The following MAEL variants were observed in gnomAD, a reference collection of about 807,000 sequenced individuals.
The protein encoded by MAEL is protein maelstrom homolog.
A neutral mutation model predicts 62.0 loss-of-function variants in MAEL; 46 were observed. The observed-to-expected ratio is 0.74, with a 90% CI of 0.59 to 0.95. The LOEUF is 0.95. Ranked by LOEUF, MAEL falls within the 40% of genes least tolerant of loss-of-function variation. The pLI is 0.00. For synonymous variants in MAEL, 172 were observed against 175.5 expected (o/e 0.98, Z 0.16); for missense variants, 497 against 526.8 (o/e 0.94, Z 0.55).
At chr1:166,994,552 GT>G (rs1664326830) in intron 5 of MAEL, among the ~76,000 whole-genome samples, 1 of 151,860 alleles carries the variant, frequency 6.6e-6, no homozygotes, top group African/African-American at 2.4e-5. Flanking sequence ...TGGGAATTAG[GT>G]TTTAAGTGAT....
intron 9 of MAEL, 51 bp from the exon 10 acceptor site, chr1:167,017,776 T>C (rs1665456344): frequency 2.0e-6 from 3 of 1,524,620 alleles, no homozygotes; most frequent in Non-Finnish European, 2.7e-6. Flanking sequence ...ACAAATACTT[T>C]TAGTTGAATT....
In MAEL at chr1:167,021,834, A is replaced by G; in HGVS notation, c.1284A>G (p.Lys428=). The G allele has an allele frequency of 6.2e-7, 1 of 1,608,966 alleles. No homozygotes were observed. Among genetic ancestry groups the G allele is most frequent in the Non-Finnish European group, 8.5e-7 (1 of 1,177,072 alleles). ...ACATGTCCCAAAAAGATGGATACAA[A>G]TCTTTCTCTTCCTTATCTTAATGAT... ...SPYMSQKDGY[K]SFSSLS The change falls in exon 12 of 12, where the codon AAA becomes AAG. Residue 428 remains lysine, a synonymous_variant. Coordinates refer to ENST00000367872, the MANE Select transcript of MAEL (RefSeq NM_032858.3).
intron 6 of MAEL, among the ~76,000 whole-genome samples, chr1:167,004,509 G>A (rs902579041): frequency 1.3e-5 from 2 of 151,722 alleles, no homozygotes; most frequent in Non-Finnish European, 2.9e-5. Context: ...GACTGCAAAA[G>A]CTAAACATAT....
rs752159923 is a variant in MAEL, at chr1:166,992,698, G to A, written c.338G>A (p.Gly113Asp). The A allele has an allele frequency of 4.4e-6, 7 of 1,587,186 alleles. No individual in the cohort carries two copies. In the South Asian group the frequency reaches 8.2e-5, roughly 18 times the overall value. ...SLKGDQALLG[G>D]IFYFLNIFSH... is the part of the protein sequence containing the mutation. Reference sequence around the variant, plus strand: ...AATTTTTTTTTAGCTCTCCTTGGAGGCATTTTTTATTTTTTGAACATTTTT... The same window carrying A: ...AATTTTTTTTTAGCTCTCCTTGGAGACATTTTTTATTTTTTGAACATTTTT... Residue 113 changes from glycine (G) to aspartate (D), a missense_variant, in exon 4 of 12, where the codon GGC becomes GAC. By Grantham distance (94) the Gly-to-Asp change is moderately conservative (BLOSUM62 -1). Coordinates refer to ENST00000367872, the MANE Select transcript of MAEL (RefSeq NM_032858.3).
intron 1 of MAEL, among the ~76,000 whole-genome samples, chr1:166,976,281 T>C (rs992282476): frequency 2.6e-5 from 4 of 152,176 alleles, no homozygotes; most frequent in Non-Finnish European, 5.9e-5. Context: ...ATGTATGTGT[T>C]GAGAGAGAAC....
chr1:166,996,467 T>G (rs1328668659), intron 5 of MAEL, among the ~76,000 whole-genome samples: 2 of 152,246 alleles, frequency 1.3e-5, no homozygotes, highest in African/African-American at 4.8e-5. Context: ...GCTTTCAGCT[T>G]CCTATACAAA....
chr1:167,010,414 A>C (rs923966259), intron 8 of MAEL, among the ~76,000 whole-genome samples: 1 of 151,688 alleles, frequency 6.6e-6, no homozygotes, highest in Non-Finnish European at 1.5e-5. Context: ...TATCAGCTAA[A>C]GTGTTTTGAT....
chr1:166,995,326 C>T (rs541363145), intron 5 of MAEL, among the ~76,000 whole-genome samples: 4 of 151,950 alleles, frequency 2.6e-5, no homozygotes, highest in East Asian at 3.9e-4. Flanking sequence ...CTGCAACCTC[C>T]GCCTCCTGGG....
At chr1:167,013,409 C>G (rs1665251575) in intron 8 of MAEL, among the ~76,000 whole-genome samples, 1 of 152,094 alleles carries the variant, frequency 6.6e-6, no homozygotes, top group African/African-American at 2.4e-5. Flanking sequence ...TGTAAGTGTT[C>G]CTATGTTATA....
At chr1:166,986,125 T>C (rs535927369), upstream of MAEL, among the ~76,000 whole-genome samples, 1 of 151,932 alleles carries the variant, frequency 6.6e-6, no homozygotes, top group Admixed American at 6.6e-5. Context: ...ATGGACACTA[T>C]GCAAAATGAA....
At chr1:167,019,826 C>T (rs772588657) in intron 10 of MAEL, among the ~76,000 whole-genome samples, 17 of 151,954 alleles carry the variant, frequency 1.1e-4, no homozygotes, top group Non-Finnish European at 2.5e-4. Context: ...GAGTTGGTTC[C>T]CCTCATTCTT....
At chr1:166,986,036 T>C (rs1663903368), upstream of MAEL, among the ~76,000 whole-genome samples, 1 of 152,152 alleles carries the variant, frequency 6.6e-6, no homozygotes, top group Non-Finnish European at 1.5e-5. Context: ...ATAAACAATC[T>C]GATATGAAAA....
chr1:166,981,085 A>G (rs1051689061), intron 1 of MAEL, among the ~76,000 whole-genome samples: 1 of 152,222 alleles, frequency 6.6e-6, no homozygotes. Flanking sequence ...GAGCACCATG[A>G]AAAGAAACTG....
chr1:167,006,459 G>A (rs563736797), intron 8 of MAEL, among the ~76,000 whole-genome samples: 1 of 151,774 alleles, frequency 6.6e-6, no homozygotes, highest in African/African-American at 2.4e-5. Context: ...CCACAGAAGG[G>A]ATTATGTGAC....
At chr1:166,997,757 G>A (rs547628087) in intron 5 of MAEL, among the ~76,000 whole-genome samples, 3 of 152,156 alleles carry the variant, frequency 2.0e-5, no homozygotes, top group South Asian at 4.1e-4. Context: ...CATTTATGGC[G>A]TTTTGTGTCT....
chr1:166,986,955 TGTGTG>T (rs1663937808), upstream of MAEL, among the ~76,000 whole-genome samples: 2 of 149,070 alleles, frequency 1.3e-5, no homozygotes, highest in Admixed American at 6.6e-5. Flanking sequence ...CGTGTGTGTG[TGTGTG>T]TGTGTGTGTG....
Position 166,991,449 on chromosome 1 carries a change from G to A in MAEL, c.297G>A (p.Met99Ile). ...VPKQNVSPPD[M>I]SALSLKGDQA... ...AGCAGAATGTTTCACCTCCAGATAT[G>A]TCAGCTTTGTCTTTAAAAGGTGATC... The change falls in exon 3 of 12, where the codon ATG becomes ATA. Residue 99 changes from methionine (M) to isoleucine (I), a missense_variant. Physicochemically the swap from Met to Ile is conservative, Grantham distance 10. Transcript: ENST00000367872. The A allele has an allele frequency of 6.2e-7, 1 of 1,612,314 alleles. No homozygotes were observed. Among genetic ancestry groups the A allele is most frequent in the Non-Finnish European group, 8.5e-7 (1 of 1,178,530 alleles).
At chr1:167,014,656 A>G (rs1483399785) in intron 8 of MAEL, among the ~76,000 whole-genome samples, 1 of 152,216 alleles carries the variant, frequency 6.6e-6, no homozygotes, top group African/African-American at 2.4e-5. Context: ...TGAAGATAGA[A>G]TTTCTTAGAG....
chr1:167,005,144 T>C lies in MAEL; in HGVS notation c.703+14T>C. 6.2e-7 allele frequency: 1 copy of C among 1,613,432 alleles called. No homozygotes were observed. The highest frequency in any genetic ancestry group is 2.2e-5 in the East Asian group (1 of 44,856). ...CAAAGGCATCAGGTAAGTAAAACTCTGGGTTGCTGCAGAAGTGCTTTATAG... is the reference window on the plus strand; with the variant it reads ...CAAAGGCATCAGGTAAGTAAAACTCCGGGTTGCTGCAGAAGTGCTTTATAG... On this transcript the variant is annotated intron_variant, in intron 7 of 11. Coordinates refer to ENST00000367872, the MANE Select transcript of MAEL (RefSeq NM_032858.3).
Sources: gnomAD v4.1 joint callset for allele counts (sites outside exome capture counted in the v4.1 genomes callset) on GRCh38, gnomAD v4.1.1 for gene constraint, MANE v1.5 for transcripts, NCBI Gene and HGNC (gene_info 2026-07-23, HGNC 2026-07-21) for gene names.